Variants in FOXP2 observed in about 807,000 individuals in gnomAD.
The protein encoded by FOXP2 is forkhead box P2.
A neutral mutation model predicts 115.8 loss-of-function variants in FOXP2; 12 were observed. That is an observed-to-expected ratio of 0.10 (90% CI 0.07 to 0.17). The LOEUF is 0.17. FOXP2 is among the 10% of genes least tolerant of loss of function. The pLI, the probability that FOXP2 is intolerant of heterozygous loss-of-function variation, is 1.00. For missense variants in FOXP2, 629 were observed against 843.5 expected, an observed-to-expected ratio of 0.75 and a Z score of 3.15; for synonymous variants, 328 against 297.7, an observed-to-expected ratio of 1.10 and a Z score of -1.05.
chr7:114,304,874 AAGAAT>A (rs972216844), intron 2 of FOXP2, among the ~76,000 whole-genome samples: 1 of 152,112 alleles, frequency 6.6e-6, no homozygotes, highest in African/African-American at 2.4e-5. Context: ...AAAGGCATTT[AAGAAT>A]AGAATAGAAC....
intron 2 of FOXP2, among the ~76,000 whole-genome samples, chr7:114,482,421 T>C (rs954495231): frequency 1.3e-5 from 2 of 151,602 alleles, no homozygotes; most frequent in Non-Finnish European, 3.0e-5. Flanking sequence ...CTGAAGGTAA[T>C]TTGAGATTTT....
intron 1 of FOXP2, among the ~76,000 whole-genome samples, chr7:114,092,310 A>G (rs980345701): frequency 1.3e-5 from 2 of 152,050 alleles, no homozygotes; most frequent in Non-Finnish European, 2.9e-5. Context: ...AGAATGTCTT[A>G]AAGATTTTTT....
chr7:114,321,223 G>C (rs1797414641), intron 2 of FOXP2, among the ~76,000 whole-genome samples: 1 of 131,778 alleles, frequency 7.6e-6, no homozygotes, highest in Non-Finnish European at 1.7e-5. Flanking sequence ...TTATGAGACA[G>C]AGTCTTGCTC....
intron 6 of FOXP2, among the ~76,000 whole-genome samples, chr7:114,635,964 G>T (rs1288477417): frequency 1.3e-5 from 2 of 152,138 alleles, no homozygotes; most frequent in African/African-American, 4.8e-5. Context: ...CTTTGGAGAA[G>T]ATAATTTATC....
At chr7:114,196,660 A>G (rs991798126) in intron 1 of FOXP2, among the ~76,000 whole-genome samples, 1 of 152,158 alleles carries the variant, frequency 6.6e-6, no homozygotes, top group Non-Finnish European at 1.5e-5. Context: ...TCTGGGAACT[A>G]CTGTCAGAAA....
intron 2 of FOXP2, among the ~76,000 whole-genome samples, chr7:114,516,631 C>T (rs893813669): frequency 1.3e-5 from 2 of 151,802 alleles, no homozygotes; most frequent in African/African-American, 2.4e-5. Flanking sequence ...CCACCAAGAG[C>T]GTACAAAGGT....
chr7:114,294,878 A>G (rs1185411613), intron 2 of FOXP2, among the ~76,000 whole-genome samples: 1 of 151,932 alleles, frequency 6.6e-6, no homozygotes, highest in Non-Finnish European at 1.5e-5. Context: ...ATACATACAT[A>G]CATACATACA....
At chr7:114,478,108 A>G (rs1164886111) in intron 2 of FOXP2, among the ~76,000 whole-genome samples, 1 of 151,952 alleles carries the variant, frequency 6.6e-6, no homozygotes, top group African/African-American at 2.4e-5. Flanking sequence ...TTTTAAAAAC[A>G]AAGAGCATCT....
intron 1 of FOXP2, among the ~76,000 whole-genome samples, chr7:114,103,403 G>T (rs1584480639): frequency 1.3e-5 from 2 of 151,990 alleles, no homozygotes; most frequent in East Asian, 3.9e-4. Flanking sequence ...TGGCTCTTTA[G>T]GTTTTAAAAA....
intron 1 of FOXP2, among the ~76,000 whole-genome samples, chr7:114,231,938 T>A (rs13237149): frequency 0.22 from 33,510 of 152,024 alleles, 4,891 homozygotes; most frequent in Non-Finnish European, 0.32. Flanking sequence ...TACAGAGTGG[T>A]AGAAAGTATC....
At chr7:114,466,191 A>G (rs1033636100) in intron 2 of FOXP2, among the ~76,000 whole-genome samples, 1 of 152,072 alleles carries the variant, frequency 6.6e-6, no homozygotes, top group Non-Finnish European at 1.5e-5. Context: ...ATATTACTGG[A>G]ATTTTGCTAG....
intron 1 of FOXP2, among the ~76,000 whole-genome samples, chr7:114,177,738 A>G (rs1014519386): frequency 1.3e-5 from 2 of 151,972 alleles, no homozygotes; most frequent in Non-Finnish European, 2.9e-5. Flanking sequence ...TCATATATGT[A>G]TATTTTGTGT....
intron 2 of FOXP2, among the ~76,000 whole-genome samples, chr7:114,481,161 T>C (rs1584788942): frequency 2.0e-5 from 3 of 151,256 alleles, no homozygotes; most frequent in Admixed American, 2.0e-4. Context: ...CTAACCTGAG[T>C]CATTATGTGT....
intron 1 of FOXP2, among the ~76,000 whole-genome samples, chr7:114,122,995 G>C (rs1403669742): frequency 6.6e-6 from 1 of 151,790 alleles, no homozygotes; most frequent in African/African-American, 2.4e-5. Flanking sequence ...ATTGAATCAT[G>C]GTGAAGTATA....
chr7:114,438,363 G>A (rs909740776), intron 2 of FOXP2, among the ~76,000 whole-genome samples: 2 of 152,100 alleles, frequency 1.3e-5, no homozygotes, highest in African/African-American at 4.8e-5. Context: ...CTCTTGGAAA[G>A]CACTGATACA....
rs140533021 is a variant in FOXP2 at position 114,485,977 on chromosome 7, G to A, written c.169-48640G>A. Among the ~76,000 whole-genome samples the A allele has an allele frequency of 2.5e-3, 388 of 152,236 alleles. 1 individual carries two copies. The highest frequency in any genetic ancestry group is 9.0e-3 in the African/African-American group (375 of 41,548). ...ATAGTCTCCTCATTTGCAAAATGGA[G>A]TCAATACTACTACAATAACTCTTGC... is the stretch of plus-strand genomic sequence containing the variant. On this transcript the variant is annotated intron_variant, in intron 2 of 16. Transcript: ENST00000350908.
chr7:114,342,497 T>C (rs567571810), intron 2 of FOXP2, among the ~76,000 whole-genome samples: 12 of 151,570 alleles, frequency 7.9e-5, no homozygotes, highest in Admixed American at 7.3e-4. Context: ...AATGAGAAAA[T>C]ACTTTAGATA....
At chr7:114,499,997 C>T (rs866720313) in intron 2 of FOXP2, among the ~76,000 whole-genome samples, 5 of 151,926 alleles carry the variant, frequency 3.3e-5, no homozygotes, top group African/African-American at 9.7e-5. Context: ...GGGTGGATCA[C>T]GAGGTCAGGA....
intron 1 of FOXP2, among the ~76,000 whole-genome samples, chr7:114,422,291 T>C (rs936752913): frequency 7.9e-5 from 12 of 151,686 alleles, no homozygotes; most frequent in African/African-American, 2.4e-4. Context: ...TTGTTAGAAA[T>C]GTTTTATATG....
Sources: gnomAD v4.1 joint callset for allele counts (sites outside exome capture counted in the v4.1 genomes callset) on GRCh38, gnomAD v4.1.1 for gene constraint, MANE v1.5 for transcripts, NCBI Gene and HGNC (gene_info 2026-07-23, HGNC 2026-07-21) for gene names.